Variants in OCEL1 observed in about 807,000 individuals in gnomAD.
OCEL1 encodes the protein occludin/ELL domain-containing protein 1.
OCEL1 carries 24 observed loss-of-function variants against 29.4 expected under a neutral mutation model. The observed-to-expected ratio is 0.82, with a 90% CI of 0.59 to 1.15. The LOEUF (loss-of-function observed/expected upper bound fraction) is 1.15, where lower values mean the gene tolerates loss of function less well. OCEL1 is among the 50% of genes most tolerant of loss of function. The probability of loss-of-function intolerance (pLI) is 0.00; values close to 1 mark genes in which losing one functional copy is unlikely to be tolerated. For missense variants in OCEL1, 402 were observed against 352.5 expected (o/e 1.14, Z -1.13); for synonymous variants, 172 against 145.3 (o/e 1.18, Z -1.32).
intron 3 of OCEL1, 86 bp from the exon 4 acceptor site, chr19:17,227,754 C>A: frequency 7.1e-7 from 1 of 1,399,670 alleles, no homozygotes; most frequent in Non-Finnish European, 9.9e-7. Flanking sequence ...AGGGGCCCAG[C>A]ATGGACAAAG....
In OCEL1 at chr19:17,228,952, G is replaced by T. The variant is rs2073388919; in HGVS notation, c.*27G>T. 4 of 1,603,340 alleles carry T rather than the reference G, an allele frequency of 2.5e-6. No individual in the cohort carries two copies. The East Asian group carries it at 9.0e-5, about 36-fold the overall frequency. On this transcript the variant is annotated 3_prime_UTR_variant, in exon 6 of 6. Transcript: ENST00000215061. Reference sequence around the variant, plus strand: ...TGCCCCTGCAGATGGGCAGAGGGATGCATGGGGATGCAGGTCCCTTGCATT... The same window carrying T: ...TGCCCCTGCAGATGGGCAGAGGGATTCATGGGGATGCAGGTCCCTTGCATT...
In OCEL1 at chr19:17,226,286, T is replaced by A; in HGVS notation, c.39T>A (p.Asp13Glu). ...NPDGSASPTA[D>E]PGSELQTLGQ... is the part of the protein sequence containing the mutation. Reference sequence around the variant, plus strand: ...ACGGAAGTGCCTCTCCGACAGCAGATCCAGGCTCGGAGCTCCAGACGCTGG... The same window carrying A: ...ACGGAAGTGCCTCTCCGACAGCAGAACCAGGCTCGGAGCTCCAGACGCTGG... The change falls in exon 1 of 6, where the codon GAT becomes GAA. Residue 13 changes from aspartate to glutamate, a missense_variant. By Grantham distance (45) the Asp-to-Glu change is conservative. Coordinates refer to ENST00000215061, the MANE Select transcript of OCEL1 (RefSeq NM_024578.3). 1 of 1,612,384 alleles carries A rather than the reference T, an allele frequency of 6.2e-7. No homozygotes were observed. The highest frequency in any genetic ancestry group is 1.1e-5 in the South Asian group (1 of 90,868).
At chr19:17,226,477 C>T (rs1316615822) in intron 1 of OCEL1, 161 bp downstream of exon 1, 1 of 965,528 alleles carries the variant, frequency 1.0e-6, no homozygotes, top group Non-Finnish European at 1.5e-6. Context: ...GCGGCGACGT[C>T]AGAGTTCATT....
chr19:17,229,159 TG>T lies in OCEL1; in HGVS notation c.*235del. The stretch of plus-strand genomic sequence containing the variant: ...CCTACAGGGACTCCAGATCTCAACC[TG>T]TTCCCTGGAAGTAGGGCCTGCTCTC... On this transcript the variant is annotated 3_prime_UTR_variant, in exon 6 of 6. Transcript: ENST00000215061. The T allele has an allele frequency of 2.6e-6, 1 of 389,400 alleles. No homozygotes were observed. Among genetic ancestry groups the T allele is most frequent in the Non-Finnish European group, 4.8e-6 (1 of 208,940 alleles). The allele number at this position is 389,400 out of a possible 1,614,324, so 24.1% of individuals were successfully genotyped here.
In OCEL1 at chr19:17,227,154, C is replaced by A. The variant is rs1173666920; in HGVS notation, c.407C>A (p.Pro136His). ...LGAKKPIGAI[P>H]KGHKPRPHPV... ...GCCAAGAAGCCTATTGGAGCCATCC[C>A]TAAGGGGCATAAGCCTAGGCCCCAC... Residue 136 changes from proline (P) to histidine (H), a missense_variant, in exon 3 of 6, where the codon CCT (proline) becomes CAT (histidine). Transcript: ENST00000215061. 2.5e-6 allele frequency: 4 copies of A among 1,581,676 alleles called. No homozygotes were observed. The highest frequency in any genetic ancestry group is 3.4e-6 in the Non-Finnish European group (4 of 1,169,054).
At position 17,229,172 on chromosome 19, in the gene OCEL1, T is replaced by C. The variant is rs1252703394; in HGVS notation, c.*247T>C. On this transcript the variant is annotated 3_prime_UTR_variant, in exon 6 of 6. Transcript: ENST00000215061. ...CAGATCTCAACCTGTTCCCTGGAAGTAGGGCCTGCTCTCCATCCCAGTGAA... is the reference window on the plus strand; with the variant it reads ...CAGATCTCAACCTGTTCCCTGGAAGCAGGGCCTGCTCTCCATCCCAGTGAA... The C allele has an allele frequency of 2.7e-6, 1 of 366,194 alleles. No individual in the cohort carries two copies. Among genetic ancestry groups the C allele is most frequent in the Non-Finnish European group, 5.1e-6 (1 of 194,466 alleles). The allele number at this position is 366,194 out of a possible 1,614,324, so 22.7% of individuals were successfully genotyped here. A position where few individuals can be genotyped will look rare whatever the true frequency, so the allele number is the denominator to read the frequency against.
Position 17,228,324 on chromosome 19 carries a change from C to T in OCEL1, c.672+15C>T. On this transcript the variant is annotated intron_variant, in intron 5 of 5. Coordinates refer to ENST00000215061, the MANE Select transcript of OCEL1 (RefSeq NM_024578.3). ...TGAAGCGAATGGTGAGTCTTGCATCCCACAGCTTGGTCTTGCACCCCTGAG... is the reference window on the plus strand; with the variant it reads ...TGAAGCGAATGGTGAGTCTTGCATCTCACAGCTTGGTCTTGCACCCCTGAG... The T allele has an allele frequency of 1.2e-6, 2 of 1,613,818 alleles. No individual in the cohort carries two copies. The highest frequency in any genetic ancestry group is 1.7e-6 in the Non-Finnish European group (2 of 1,179,886).
chr19:17,228,181 G>A lies in OCEL1; in HGVS notation c.619-75G>A, dbSNP rs1256009093. 50 of 1,582,418 alleles carry A rather than the reference G, an allele frequency of 3.2e-5. 1 individual carries two copies. Among genetic ancestry groups the A allele is most frequent in the Non-Finnish European group, 3.9e-5 (45 of 1,151,996 alleles). ...TCCCCACTAGATGGGCATTTAGTCT[G>A]TCTGAGCCTCAGTTTCTTCATCCCT... On this transcript the variant is annotated intron_variant, in intron 4 of 5. Transcript: ENST00000215061.
At position 17,226,888 on chromosome 19, in the gene OCEL1, G is replaced by T. The variant is rs1278029717; in HGVS notation, c.246+19G>T. On this transcript the variant is annotated intron_variant, in intron 2 of 5. Transcript: ENST00000215061. ...GCCCCCGGTGAGCCTGACCGGGAGG[G>T]GGTCCCCAGGCCGGGCCTCTAGGCA... is the stretch of plus-strand genomic sequence containing the variant. 2 of 1,511,708 alleles carry T rather than the reference G, an allele frequency of 1.3e-6. No individual in the cohort carries two copies. The highest frequency in any genetic ancestry group is 1.3e-5 in the South Asian group (1 of 76,390). The allele number at this position is 1,511,708 out of a possible 1,614,324, so 93.6% of individuals were successfully genotyped here. A position where few individuals can be genotyped will look rare whatever the true frequency, so the allele number is the denominator to read the frequency against.
At position 17,227,082 on chromosome 19, in the gene OCEL1, A is replaced by G. The variant is rs1361428557; in HGVS notation, c.335A>G (p.Lys112Arg). 8 of 1,608,792 alleles carry G rather than the reference A, an allele frequency of 5.0e-6. No individual in the cohort carries two copies. In the Admixed American group the frequency reaches 1.4e-4, roughly 28 times the overall value. Reference protein sequence around the residue: ...PQPGPHKAKTKKIVFEDELLS... With the variant: ...PQPGPHKAKTRKIVFEDELLS... ...CCGGGACCCCACAAGGCAAAGACCA[A>G]GAAGATTGTGTTTGAGGATGAGTTG... The change falls in exon 3 of 6, where the codon AAG (lysine) becomes AGG (arginine). Residue 112 changes from lysine to arginine, a missense_variant. Lys to Arg is a conservative substitution (Grantham distance 26). Coordinates refer to ENST00000215061, the MANE Select transcript of OCEL1 (RefSeq NM_024578.3).
Position 17,226,838 on chromosome 19 carries a change from T to A in OCEL1, c.215T>A (p.Leu72Gln). Residue 72 changes from leucine to glutamine, a missense_variant, in exon 2 of 6, where the codon CTG (leucine) becomes CAG (glutamine). By Grantham distance (113) the Leu-to-Gln change is moderately radical (BLOSUM62 -2). Transcript: ENST00000215061. ...PPKTRGSRGH[L>Q]HTHPPGPGPP... The stretch of plus-strand genomic sequence containing the variant: ...AAGACTCGCGGCTCCCGGGGGCACC[T>A]GCATACTCACCCGCCTGGGCCTGGG... 6.4e-7 allele frequency: 1 copy of A among 1,568,920 alleles called. No individual in the cohort carries two copies. Among genetic ancestry groups the A allele is most frequent in the Non-Finnish European group, 8.6e-7 (1 of 1,163,716 alleles).
rs756079771 is a variant in OCEL1 at position 17,226,725 on chromosome 19, A to G, written c.102A>G (p.Gly34=). Residue 34 remains glycine, a synonymous_variant, in exon 2 of 6, where the codon GGA becomes GGG. Coordinates refer to ENST00000215061, the MANE Select transcript of OCEL1 (RefSeq NM_024578.3). ...AARRPPPPRA[G]HDAPRRTRPS... is the part of the protein sequence containing the mutation. ...GCAGACCACCCCCGCCGCGCGCGGG[A>G]CACGACGCCCCCCGCAGGACCCGCC... 1.3e-6 allele frequency: 2 copies of G among 1,533,296 alleles called. No individual in the cohort carries two copies. Among genetic ancestry groups the G allele is most frequent in the South Asian group, 1.2e-5 (1 of 82,610 alleles). The allele number at this position is 1,533,296 out of a possible 1,614,324, so 95.0% of individuals were successfully genotyped here.
intron 3 of OCEL1, 62 bp from the exon 4 acceptor site, chr19:17,227,778 A>C: frequency 6.4e-7 from 1 of 1,562,958 alleles, no homozygotes; most frequent in Non-Finnish European, 8.7e-7. Flanking sequence ...AGCAAATTAC[A>C]CTGACTGGGG....
At chr19:17,226,448 C>A in intron 1 of OCEL1, 132 bp downstream of exon 1, 1 of 1,131,452 alleles carries the variant, frequency 8.8e-7, no homozygotes, top group Non-Finnish European at 1.3e-6. Flanking sequence ...GGGGTTAACT[C>A]GAGCCGGTCC....
intron 5 of OCEL1, 51 bp downstream of exon 5, chr19:17,228,360 G>A (rs1177870573): frequency 6.4e-7 from 1 of 1,558,466 alleles, no homozygotes; most frequent in Non-Finnish European, 8.8e-7. Flanking sequence ...ACTTCTGTGA[G>A]GCTGGGGTGC....
At chr19:17,226,486 T>G in intron 1 of OCEL1, 170 bp downstream of exon 1, 1 of 925,452 alleles carries the variant, frequency 1.1e-6, no homozygotes, top group Non-Finnish European at 1.6e-6. Flanking sequence ...TCAGAGTTCA[T>G]TTACATAGCG....
At chr19:17,226,494 G>A in intron 1 of OCEL1, 178 bp downstream of exon 1, 1 of 903,656 alleles carries the variant, frequency 1.1e-6, no homozygotes, top group Non-Finnish European at 1.6e-6. Flanking sequence ...CATTTACATA[G>A]CGCTTATTTG....
intron 4 of OCEL1, 118 bp from the exon 5 acceptor site, chr19:17,228,138 T>A (rs1296429820): frequency 1.1e-5 from 17 of 1,528,034 alleles, no homozygotes; most frequent in Non-Finnish European, 1.5e-5. Context: ...GACACATGGC[T>A]AAGGTCAGCC....
intron 1 of OCEL1, 67 bp from the exon 2 acceptor site, chr19:17,226,626 G>A: frequency 7.1e-7 from 1 of 1,402,040 alleles, no homozygotes; most frequent in Non-Finnish European, 9.3e-7. Flanking sequence ...CTCTTCGGCC[G>A]AGCTGCCCGC....
Sources: gnomAD v4.1 joint callset for allele counts on GRCh38, gnomAD v4.1.1 for gene constraint, MANE v1.5 for transcripts, NCBI Gene and HGNC (gene_info 2026-07-23, HGNC 2026-07-21) for gene names.